GIN1: variants seen among roughly 807,000 people sequenced by gnomAD.
The protein encoded by GIN1 is gypsy retrotransposon integrase-like protein 1.
GIN1 carries 41 observed loss-of-function variants against 51.4 expected under a neutral mutation model. The observed-to-expected ratio is 0.80, with a 90% CI of 0.62 to 1.04. The LOEUF is 1.04. Among genes scored for constraint, GIN1 ranks in the 50% least tolerant of loss-of-function variants. The pLI, the probability that GIN1 is intolerant of heterozygous loss-of-function variation, is 0.00. For synonymous variants in GIN1, 222 were observed against 206.5 expected (o/e 1.07, Z -0.64); for missense variants, 610 against 612.4 (o/e 1.00, Z 0.04).
At chr5:103,116,203 T>G (rs192385584) in intron 1 of GIN1, among the ~76,000 whole-genome samples, 1 of 152,114 alleles carries the variant, frequency 6.6e-6, no homozygotes, top group South Asian at 2.1e-4. Context: ...ATGAATATAG[T>G]TGAAGAATTT....
At chr5:103,093,506 G>C (rs1319485941) in intron 7 of GIN1, among the ~76,000 whole-genome samples, 2 of 152,178 alleles carry the variant, frequency 1.3e-5, no homozygotes, top group Admixed American at 1.3e-4. Context: ...AGCCCAGTAA[G>C]ATCTATGTTG....
chr5:103,095,490 A>G (rs1554194916), intron 7 of GIN1, among the ~76,000 whole-genome samples: 1 of 152,206 alleles, frequency 6.6e-6, no homozygotes, highest in Non-Finnish European at 1.5e-5. Flanking sequence ...CTAACTATAA[A>G]GCAATATTAA....
intron 4 of GIN1, among the ~76,000 whole-genome samples, chr5:103,098,818 T>A (rs933387439): frequency 9.9e-5 from 15 of 152,204 alleles, no homozygotes; most frequent in Admixed American, 7.2e-4. Flanking sequence ...AGGTCATAAG[T>A]TAATGTTTAA....
Position 103,086,362 on chromosome 5 carries a change from C to A in GIN1, c.*1536G>T, listed in dbSNP as rs1488494183. 6.6e-6 allele frequency: 1 copy of A among 152,092 alleles called. No homozygotes were observed. The highest frequency in any genetic ancestry group is 2.4e-5 in the African/African-American group (1 of 41,398). 9.4% of individuals were successfully genotyped at this position (152,092 alleles called of 1,614,324 possible). On this transcript the variant is annotated 3_prime_UTR_variant, in exon 8 of 8. Transcript: ENST00000399004. ...TTTGAGGTGGTGGGGGTTAAGACTTCAACACAAATTTTGGGAGGGGCACAT... is the reference window on the plus strand; with the variant it reads ...TTTGAGGTGGTGGGGGTTAAGACTTAAACACAAATTTTGGGAGGGGCACAT...
intron 1 of GIN1, among the ~76,000 whole-genome samples, chr5:103,112,905 G>A (rs185297583): frequency 7.0e-4 from 107 of 152,128 alleles, no homozygotes; most frequent in African/African-American, 2.4e-3. Context: ...GGAGCTTATG[G>A]TATAAATGAG....
At chr5:103,092,610 AACTAAT>A (rs2151462275) in intron 7 of GIN1, among the ~76,000 whole-genome samples, 1 of 152,288 alleles carries the variant, frequency 6.6e-6, no homozygotes, top group South Asian at 2.1e-4. Context: ...TCATTATAAT[AACTAAT>A]ACTGTCAACA....
chr5:103,108,056 A>C (rs1213926118), intron 2 of GIN1, among the ~76,000 whole-genome samples: 2 of 152,098 alleles, frequency 1.3e-5, no homozygotes, highest in African/African-American at 4.8e-5. Flanking sequence ...ACTGCCTTTC[A>C]AATATTTAAT....
rs1408217717 is a variant in GIN1, at chr5:103,107,876, T to A, written c.139+693A>T. Among the ~76,000 whole-genome samples the A allele has an allele frequency of 5.9e-5, 9 of 152,090 alleles. No individual in the cohort carries two copies. In the South Asian group the frequency reaches 8.3e-4, roughly 14 times the overall value. On this transcript the variant is annotated intron_variant, in intron 2 of 7. Transcript: ENST00000399004. ...ACATTTATTTATTATCCTAGAGTTT[T>A]ATTAACCTGTTTTGGGGTAAGCCTA...
At chr5:103,111,198 CA>C (rs1554196885) in intron 1 of GIN1, among the ~76,000 whole-genome samples, 1 of 151,898 alleles carries the variant, frequency 6.6e-6, no homozygotes, top group Non-Finnish European at 1.5e-5. Context: ...AAAAAGAAAC[CA>C]AAATCATTTT....
In GIN1 at chr5:103,096,567, G is replaced by C; in HGVS notation, c.1268C>G (p.Pro423Arg). The C allele has an allele frequency of 6.2e-7, 1 of 1,612,750 alleles. No homozygotes were observed. The highest frequency in any genetic ancestry group is 8.5e-7 in the Non-Finnish European group (1 of 1,179,050). Residue 423 changes from proline to arginine, a missense_variant, in exon 7 of 8, where the codon CCC (proline) becomes CGC (arginine). Pro to Arg is a moderately radical substitution (Grantham distance 103). Coordinates refer to ENST00000399004, the MANE Select transcript of GIN1 (RefSeq NM_017676.2). Reference sequence around the variant, plus strand: ...TTGTTCACTGGATTCTCTTATGTAGGGCTTAAGGTGGGACATTTTGATAGG... The same window carrying C: ...TTGTTCACTGGATTCTCTTATGTAGCGCTTAAGGTGGGACATTTTGATAGG... ...KRPIKMSHLK[P>R]YIRESSEQES...
At chr5:103,106,974 T>C (rs905678185) in intron 2 of GIN1, 65 bp from the exon 3 acceptor site, 8 of 793,266 alleles carry the variant, frequency 1.0e-5, no homozygotes, top group Non-Finnish European at 1.6e-5. Flanking sequence ...TTTAAGAGAA[T>C]CATAGCCTTC....
intron 1 of GIN1, among the ~76,000 whole-genome samples, chr5:103,119,233 T>TA (rs1461215049): frequency 6.6e-6 from 1 of 152,228 alleles, no homozygotes; most frequent in African/African-American, 2.4e-5. Context: ...AAGGTTATAA[T>TA]ACCCGCTGGT....
At chr5:103,088,227 TTTAA>T (rs1206334772) in intron 7 of GIN1, 55 bp from the exon 8 acceptor site, 11 of 1,079,440 alleles carry the variant, frequency 1.0e-5, no homozygotes, top group African/African-American at 1.6e-5. Flanking sequence ...AAACATATTT[TTTAA>T]TTAAACAATT....
At chr5:103,093,306 G>A (rs1466593947) in intron 7 of GIN1, among the ~76,000 whole-genome samples, 1 of 152,166 alleles carries the variant, frequency 6.6e-6, no homozygotes, top group East Asian at 1.9e-4. Flanking sequence ...AAATATAGAA[G>A]AGGGAGGCAG....
At chr5:103,119,209 A>G (rs1788246067) in intron 1 of GIN1, among the ~76,000 whole-genome samples, 1 of 152,232 alleles carries the variant, frequency 6.6e-6, no homozygotes, top group Admixed American at 6.5e-5. Flanking sequence ...AAAGCCACCA[A>G]TTTAAGCCCC....
intron 7 of GIN1, among the ~76,000 whole-genome samples, chr5:103,091,565 T>G (rs1787238236): frequency 6.6e-6 from 1 of 152,354 alleles, no homozygotes; most frequent in Admixed American, 6.5e-5. Context: ...AAAGCATCAT[T>G]TTGGTTTTGA....
chr5:103,089,637 G>A (rs1554194323), intron 7 of GIN1, among the ~76,000 whole-genome samples: 1 of 152,002 alleles, frequency 6.6e-6, no homozygotes, highest in African/African-American at 2.4e-5. Context: ...TGTTGCCTAG[G>A]TTGGTCTCCT....
At chr5:103,115,177 A>C (rs1787998797) in intron 1 of GIN1, among the ~76,000 whole-genome samples, 1 of 152,150 alleles carries the variant, frequency 6.6e-6, no homozygotes, top group Admixed American at 6.5e-5. Context: ...CAAGATGTAG[A>C]TTCTCTTGAC....
At position 103,106,579 on chromosome 5, in the gene GIN1, G is replaced by A. The variant is rs1417066051; in HGVS notation, c.333+137C>T. On this transcript the variant is annotated intron_variant, in intron 3 of 7. Coordinates refer to ENST00000399004, the MANE Select transcript of GIN1 (RefSeq NM_017676.2). ...AAGTGATTTAAAATAACTGTGAAGG[G>A]AAATACAACTCCCTTTAAGTGATTG... The A allele has an allele frequency of 7.7e-6, 4 of 520,384 alleles. No homozygotes were observed. The African/African-American group carries it at 8.1e-5, about 11-fold the overall frequency. 32.2% of individuals were successfully genotyped at this position (520,384 alleles called of 1,614,324 possible).
Sources: gnomAD v4.1 joint callset for allele counts (sites outside exome capture counted in the v4.1 genomes callset) on GRCh38, gnomAD v4.1.1 for gene constraint, MANE v1.5 for transcripts, NCBI Gene and HGNC (gene_info 2026-07-23, HGNC 2026-07-21) for gene names.